Variants in GINS1 observed in about 807,000 individuals in gnomAD.
GINS1 encodes DNA replication complex GINS protein PSF1.
A neutral mutation model predicts 34.9 loss-of-function variants in GINS1; 26 were observed. The observed-to-expected ratio is 0.74, with a 90% CI of 0.55 to 1.03. The LOEUF is 1.03. GINS1 is among the 50% of genes least tolerant of loss of function. The pLI, the probability that GINS1 is intolerant of heterozygous loss-of-function variation, is 0.00. For missense variants in GINS1, 235 were observed against 237.9 expected, an observed-to-expected ratio of 0.99 and a Z score of 0.08; for synonymous variants, 97 against 84.4, an observed-to-expected ratio of 1.15 and a Z score of -0.82.
chr20:25,429,052 AC>A (rs2090412282), intron 5 of GINS1, among the ~76,000 whole-genome samples: 1 of 130,708 alleles, frequency 7.7e-6, no homozygotes, highest in Non-Finnish European at 1.6e-5. Context: ...ACAGTGGTGC[AC>A]TCTTGGCTCA....
intron 5 of GINS1, among the ~76,000 whole-genome samples, chr20:25,429,018 T>C (rs2090411823): frequency 7.8e-6 from 1 of 127,734 alleles, no homozygotes; most frequent in Admixed American, 8.9e-5. Flanking sequence ...AAACGAAGTC[T>C]TGCTCTGTCG....
chr20:25,416,623 T>TA (rs1343280838), intron 2 of GINS1, among the ~76,000 whole-genome samples: 1 of 152,194 alleles, frequency 6.6e-6, no homozygotes, highest in Non-Finnish European at 1.5e-5. Flanking sequence ...GATCAACAGA[T>TA]ATTTGTAAGA....
intron 1 of GINS1, among the ~76,000 whole-genome samples, chr20:25,408,708 T>G (rs1362751986): frequency 2.0e-5 from 3 of 151,990 alleles, no homozygotes; most frequent in African/African-American, 7.3e-5. Context: ...AAAAATAACT[T>G]TTTGATGTTT....
In GINS1 at chr20:25,435,783, A is replaced by AC. The variant is rs1568808281; in HGVS notation, c.448-5919_448-5918insC. ...CCGTCTCAAAAAAAAAAAAAAAAAA[A>AC]AAAAACCAACTTTTTGTAGAGTTAC... On this transcript the variant is annotated intron_variant, in intron 5 of 6. Coordinates refer to ENST00000262460, the MANE Select transcript of GINS1 (RefSeq NM_021067.5). Among the ~76,000 whole-genome samples, 11 of 73,936 alleles carry AC rather than the reference A, an allele frequency of 1.5e-4. 1 individual carries two copies. The highest frequency in any genetic ancestry group is 1.6e-4 in the African/African-American group (3 of 19,104). The allele number at this position is 73,936 out of a possible 152,430, so 48.5% of individuals were successfully genotyped here.
chr20:25,425,037 G>A (rs1350455624), intron 4 of GINS1, among the ~76,000 whole-genome samples, 174 bp from the exon 5 acceptor site: 1 of 152,150 alleles, frequency 6.6e-6, no homozygotes, highest in Non-Finnish European at 1.5e-5. Context: ...ATGATTCATT[G>A]TAAGTACCCA....
intron 4 of GINS1, among the ~76,000 whole-genome samples, chr20:25,418,839 G>A (rs2090337232): frequency 6.6e-6 from 1 of 152,204 alleles, no homozygotes; most frequent in South Asian, 2.1e-4. Context: ...CTGTGATTGA[G>A]TTCAATCTTC....
chr20:25,419,281 A>G (rs1293954360), intron 4 of GINS1, among the ~76,000 whole-genome samples: 1 of 152,078 alleles, frequency 6.6e-6, no homozygotes, highest in Non-Finnish European at 1.5e-5. Flanking sequence ...GCAAACCACC[A>G]TGGCACATGT....
chr20:25,439,117 A>G (rs1302363566), intron 5 of GINS1, among the ~76,000 whole-genome samples: 1 of 152,230 alleles, frequency 6.6e-6, no homozygotes, highest in Non-Finnish European at 1.5e-5. Flanking sequence ...TTTATTTACT[A>G]AAACCTTTCA....
In GINS1 at chr20:25,448,334, T is replaced by C. The variant is rs766292018; in HGVS notation, c.*2343T>C. ...GTCTTCTATTTCTCTTAATAATCTTTTGTAGTTTTCAGTGTACAGGTCTAC... is the reference window on the plus strand; with the variant it reads ...GTCTTCTATTTCTCTTAATAATCTTCTGTAGTTTTCAGTGTACAGGTCTAC... On this transcript the variant is annotated 3_prime_UTR_variant, in exon 7 of 7. Coordinates refer to ENST00000262460, the MANE Select transcript of GINS1 (RefSeq NM_021067.5). The C allele has an allele frequency of 6.6e-6, 1 of 152,222 alleles. No individual in the cohort carries two copies. Among genetic ancestry groups the C allele is most frequent in the Non-Finnish European group, 1.5e-5 (1 of 68,038 alleles). The allele number at this position is 152,222 out of a possible 1,614,324, so 9.4% of individuals were successfully genotyped here. A position where few individuals can be genotyped will look rare whatever the true frequency, so the allele number is the denominator to read the frequency against.
chr20:25,443,031 A>G (rs2090491357), intron 6 of GINS1: 1 of 152,162 alleles, frequency 6.6e-6, no homozygotes, highest in African/African-American at 2.4e-5. Context: ...TGTTGACCCT[A>G]AGGATTTGGT....
intron 5 of GINS1, among the ~76,000 whole-genome samples, chr20:25,427,719 G>C (rs535435512): frequency 1.3e-4 from 19 of 151,912 alleles, no homozygotes; most frequent in African/African-American, 4.3e-4. Context: ...ATGTTAATTT[G>C]TTATCAGATA....
chr20:25,435,659 G>A (rs1311126985), intron 5 of GINS1, among the ~76,000 whole-genome samples: 1 of 150,772 alleles, frequency 6.6e-6, no homozygotes. Flanking sequence ...TCGGAAGGCT[G>A]AGGGAGGAGA....
chr20:25,409,124 C>T (rs2090267173), intron 1 of GINS1: 26 of 679,016 alleles, frequency 3.8e-5, no homozygotes, highest in Non-Finnish European at 4.7e-5. Flanking sequence ...CACGTGGTCA[C>T]ACTGGAGAGG....
At chr20:25,423,468 T>C (rs1380068774) in intron 4 of GINS1, among the ~76,000 whole-genome samples, 4 of 113,408 alleles carry the variant, frequency 3.5e-5, no homozygotes, top group Middle Eastern at 3.9e-3. Flanking sequence ...TTTTTTTTTT[T>C]TTTTTTTTTT....
At chr20:25,409,046 C>G in intron 1 of GINS1, 1 of 984,188 alleles carries the variant, frequency 1.0e-6, no homozygotes, top group Non-Finnish European at 1.2e-6. Flanking sequence ...TTTCCATCCT[C>G]AAGGATGAGG....
intron 5 of GINS1, among the ~76,000 whole-genome samples, chr20:25,436,311 T>C (rs1231451689): frequency 2.0e-5 from 3 of 152,182 alleles, no homozygotes; most frequent in Non-Finnish European, 4.4e-5. Flanking sequence ...ATGTGTCTCA[T>C]TGCGAGTCTG....
chr20:25,426,650 C>G (rs1484914001), intron 5 of GINS1, among the ~76,000 whole-genome samples: 2 of 151,364 alleles, frequency 1.3e-5, no homozygotes, highest in African/African-American at 4.8e-5. Flanking sequence ...CTCAGCCTCC[C>G]AAACAGCTGG....
chr20:25,413,933 T>C, intron 2 of GINS1, 79 bp downstream of exon 2: 1 of 821,236 alleles, frequency 1.2e-6, no homozygotes, highest in Non-Finnish European at 2.1e-6. Context: ...GGCTCACGCC[T>C]GTAATCCCAG....
At chr20:25,410,859 G>A (rs2090280319) in intron 1 of GINS1, among the ~76,000 whole-genome samples, 2 of 151,880 alleles carry the variant, frequency 1.3e-5, no homozygotes, top group African/African-American at 4.8e-5. Flanking sequence ...CACCGTGCCC[G>A]GCCCAACACA....
Sources: gnomAD v4.1 joint callset for allele counts (sites outside exome capture counted in the v4.1 genomes callset) on GRCh38, gnomAD v4.1.1 for gene constraint, MANE v1.5 for transcripts, NCBI Gene and HGNC (gene_info 2026-07-23, HGNC 2026-07-21) for gene names.